Variants in CECR2 observed in about 807,000 individuals in gnomAD.
CECR2 encodes the protein CECR2 histone acetyl-lysine reader.
In CECR2, 30 loss-of-function variants were observed where a neutral mutation model predicts 154.5. The ratio of observed to expected loss-of-function variants is 0.19; its 90% CI spans 0.15 to 0.26. The LOEUF (loss-of-function observed/expected upper bound fraction) is 0.26, where lower values mean the gene tolerates loss of function less well. Ranked by LOEUF, CECR2 falls within the 10% of genes least tolerant of loss-of-function variation. The pLI is 1.00. For synonymous variants in CECR2, 725 were observed against 683.7 expected, an observed-to-expected ratio of 1.06 and a Z score of -0.94; for missense variants, 1,743 against 1,829.3, an observed-to-expected ratio of 0.95 and a Z score of 0.86.
chr22:17,406,385 T>C (rs1375055450), intron 1 of CECR2, among the ~76,000 whole-genome samples: 10 of 152,086 alleles, frequency 6.6e-5, no homozygotes, highest in African/African-American at 2.2e-4. Flanking sequence ...TAGCCAGGCG[T>C]GGTGGCACAC....
chr22:17,394,197 CTT>C (rs71200271), intron 1 of CECR2, among the ~76,000 whole-genome samples: 1,043 of 97,066 alleles, frequency 0.011, 148 homozygotes, highest in African/African-American at 0.04. Flanking sequence ...GCTGCCGCTG[CTT>C]TTTTTTTTTT....
intron 1 of CECR2, among the ~76,000 whole-genome samples, chr22:17,423,008 C>G (rs2518736): frequency 0.57 from 85,863 of 151,852 alleles, 25,909 homozygotes; most frequent in African/African-American, 0.79. Flanking sequence ...TCTCAGTCTG[C>G]TTCCGATGAG....
intron 2 of CECR2, among the ~76,000 whole-genome samples, chr22:17,495,067 A>G (rs1287057812): frequency 6.6e-6 from 1 of 152,226 alleles, no homozygotes; most frequent in African/African-American, 2.4e-5. Flanking sequence ...TGCTGCAAAT[A>G]TAACTACCAT....
At position 17,556,856 on chromosome 22, in the gene CECR2, C is replaced by A. The variant is rs532904247; in HGVS notation, c.*4016C>A. The A allele has an allele frequency of 5.9e-5, 9 of 152,346 alleles. No individual in the cohort carries two copies. Among genetic ancestry groups the A allele is most frequent in the African/African-American group, 2.2e-4 (9 of 41,570 alleles). The allele number at this position is 152,346 out of a possible 1,614,324, so 9.4% of individuals were successfully genotyped here. On this transcript the variant is annotated 3_prime_UTR_variant, in exon 19 of 19. Transcript: ENST00000262608. Reference sequence around the variant, plus strand: ...TTAGTGAGCCATGTACTGCCCAATCCGGGGGCTCCTGGGGTGTGGTGTGTC... The same window carrying A: ...TTAGTGAGCCATGTACTGCCCAATCAGGGGGCTCCTGGGGTGTGGTGTGTC...
intron 1 of CECR2, among the ~76,000 whole-genome samples, chr22:17,382,679 C>T (rs928827287): frequency 2.0e-5 from 3 of 149,324 alleles, no homozygotes; most frequent in East Asian, 2.0e-4. Flanking sequence ...CTGAGGCTGG[C>T]GAATGGCTTG....
chr22:17,461,684 A>C (rs2054940050), intron 1 of CECR2, among the ~76,000 whole-genome samples: 5 of 152,168 alleles, frequency 3.3e-5, no homozygotes, highest in Admixed American at 3.3e-4. Flanking sequence ...TCTTCGTTCC[A>C]GATGTTTCCC....
At chr22:17,508,970 C>G (rs1239537954) in intron 7 of CECR2, among the ~76,000 whole-genome samples, 3 of 152,110 alleles carry the variant, frequency 2.0e-5, no homozygotes, top group Non-Finnish European at 4.4e-5. Flanking sequence ...GACCTGGGGC[C>G]AGGGACGTGG....
intron 1 of CECR2, among the ~76,000 whole-genome samples, chr22:17,421,373 T>C (rs1406010906): frequency 6.6e-6 from 1 of 151,946 alleles, no homozygotes; most frequent in East Asian, 1.9e-4. Context: ...CCCAGCACTT[T>C]GGGAGGCCGA....
At chr22:17,485,483 A>G (rs2055403734) in intron 2 of CECR2, among the ~76,000 whole-genome samples, 1 of 152,228 alleles carries the variant, frequency 6.6e-6, no homozygotes, top group South Asian at 2.1e-4. Context: ...GTAGTGAAGT[A>G]TTGGCCGGGC....
chr22:17,515,022 C>CAA (rs913316044), intron 8 of CECR2, among the ~76,000 whole-genome samples: 2 of 83,126 alleles, frequency 2.4e-5, no homozygotes, highest in Non-Finnish European at 2.5e-5. Context: ...GACTCCGTCT[C>CAA]AAAAAAAAAA....
chr22:17,551,028 A>C (rs1032806057), intron 17 of CECR2, among the ~76,000 whole-genome samples: 1 of 152,084 alleles, frequency 6.6e-6, no homozygotes, highest in South Asian at 2.1e-4. Flanking sequence ...CCATCCTGTC[A>C]TCTTATTGCT....
intron 1 of CECR2, among the ~76,000 whole-genome samples, chr22:17,431,558 A>G (rs1410393053): frequency 1.3e-5 from 2 of 152,132 alleles, no homozygotes; most frequent in African/African-American, 2.4e-5. Flanking sequence ...TAGATCTTGA[A>G]TAACTACCAG....
At chr22:17,379,455 TG>T (rs1157883676) in intron 1 of CECR2, among the ~76,000 whole-genome samples, 3 of 152,116 alleles carry the variant, frequency 2.0e-5, no homozygotes, top group African/African-American at 7.2e-5. Flanking sequence ...AGCCTGGGGC[TG>T]GAGCGGCTGC....
chr22:17,510,445 C>T (rs759513351), intron 7 of CECR2, among the ~76,000 whole-genome samples: 8 of 150,392 alleles, frequency 5.3e-5, no homozygotes, highest in Non-Finnish European at 8.9e-5. Context: ...ACTCCATCCT[C>T]GGCGACAGAA....
Position 17,537,160 on chromosome 22 carries a change from A to G in CECR2, c.1166A>G (p.Lys389Arg). 1 of 1,614,020 alleles carries G rather than the reference A, an allele frequency of 6.2e-7. No individual in the cohort carries two copies. The highest frequency in any genetic ancestry group is 8.5e-7 in the Non-Finnish European group (1 of 1,179,890). The change falls in exon 10 of 19, where the codon AAG (lysine) becomes AGG (arginine). Residue 389 changes from lysine to arginine, a missense_variant. By Grantham distance (26) the Lys-to-Arg change is conservative (BLOSUM62 2). Around this residue, in one of 4 missense-constraint regions of CECR2, gnomAD observed 292 missense variants for 301.2 expected, o/e 0.97. Transcript: ENST00000262608. ...EERAWLLAQGKELPPELSHLD... is the reference protein window; with the variant it reads ...EERAWLLAQGRELPPELSHLD... ...AGGGCATGGCTGCTGGCTCAAGGAA[A>G]GGAGCTCCCTCCAGAACTTTCCCAT...
chr22:17,402,754 CTTT>C (rs386394918), intron 1 of CECR2, among the ~76,000 whole-genome samples: 14,553 of 122,828 alleles, frequency 0.12, 633 homozygotes, highest in African/African-American at 0.15. Context: ...TTCTTTTCTT[CTTT>C]TTTTTTTTTT....
intron 7 of CECR2, among the ~76,000 whole-genome samples, chr22:17,510,276 T>C (rs1399114597): frequency 1.3e-5 from 2 of 152,160 alleles, no homozygotes; most frequent in Admixed American, 1.3e-4. Flanking sequence ...GGAAGGCAGT[T>C]CCCTGATAAG....
chr22:17,537,182 C>A lies in CECR2; in HGVS notation c.1188C>A (p.Ser396=), dbSNP rs200923527. 75 of 1,613,792 alleles carry A rather than the reference C, an allele frequency of 4.6e-5. No homozygotes were observed. In the African/African-American group the frequency reaches 9.1e-4, roughly 20 times the overall value. Residue 396 remains serine (S), a synonymous_variant, in exon 10 of 19, where the codon TCC becomes TCA. Transcript: ENST00000262608. The part of the protein sequence containing the change: ...AQGKELPPEL[S]HLDPNSPMRE... ...GAAAGGAGCTCCCTCCAGAACTTTC[C>A]CATCTGGACCCCAATTCCCCCATGA...
intron 9 of CECR2, among the ~76,000 whole-genome samples, chr22:17,525,126 A>G (rs1207323637): frequency 6.7e-6 from 1 of 149,880 alleles, no homozygotes; most frequent in African/African-American, 2.4e-5. Flanking sequence ...TCTACTAAAA[A>G]TACAAAAAAT....
Sources: gnomAD v4.1 joint callset for allele counts (sites outside exome capture counted in the v4.1 genomes callset) on GRCh38, gnomAD v4.1.1 for gene constraint, gnomAD v4.1.1 regional missense constraint, MANE v1.5 for transcripts, NCBI Gene and HGNC (gene_info 2026-07-23, HGNC 2026-07-21) for gene names.